The following ROS1 variants were observed in gnomAD, a reference collection of about 807,000 sequenced individuals.
The protein encoded by ROS1 is ROS proto-oncogene 1, receptor tyrosine kinase.
ROS1 carries 263 observed loss-of-function variants against 273.5 expected under a neutral mutation model. The observed-to-expected ratio is 0.96, with a 90% CI of 0.87 to 1.06. The LOEUF (loss-of-function observed/expected upper bound fraction) is 1.06, where lower values mean the gene tolerates loss of function less well. Among genes scored for constraint, ROS1 ranks in the 50% least tolerant of loss-of-function variants. The pLI is 0.00. For missense variants in ROS1, 2,833 were observed against 2,751.1 expected (o/e 1.03, Z -0.67); for synonymous variants, 1,008 against 954.1 (o/e 1.06, Z -1.04).
chr6:117,333,164 G>T (rs575277515), intron 32 of ROS1, among the ~76,000 whole-genome samples: 1 of 151,886 alleles, frequency 6.6e-6, no homozygotes, highest in African/African-American at 2.4e-5. Flanking sequence ...TGATAAAGGG[G>T]ATATCACCAC....
chr6:117,294,032 C>T (rs1290798142), intron 43 of ROS1, among the ~76,000 whole-genome samples: 1 of 151,916 alleles, frequency 6.6e-6, no homozygotes, highest in Non-Finnish European at 1.5e-5. Context: ...TGATACATTA[C>T]ATCAACAGAC....
Position 117,319,929 on chromosome 6 carries a change from T to C in ROS1, c.5861A>G (p.Tyr1954Cys), listed in dbSNP as rs138420858. Residue 1954 changes from tyrosine to cysteine, a missense_variant, in exon 37 of 44, where the codon TAT becomes TGT. Coordinates refer to ENST00000368507, the MANE Select transcript of ROS1 (RefSeq NM_001378902.1). The part of the protein sequence containing the change: ...LLGSGAFGEV[Y>C]EGTAVDILGV... Reference sequence around the variant, plus strand: ...TAAGATGTCCACTGCTGTTCCTTCATACACTTCTCCAAAGGCTCCACTTCC... The same window carrying C: ...TAAGATGTCCACTGCTGTTCCTTCACACACTTCTCCAAAGGCTCCACTTCC... 7 of 1,613,510 alleles carry C rather than the reference T, an allele frequency of 4.3e-6. No homozygotes were observed. In the African/African-American group the frequency reaches 5.3e-5, roughly 12 times the overall value.
chr6:117,327,864 T>C (rs947614840), intron 33 of ROS1, among the ~76,000 whole-genome samples: 4 of 152,118 alleles, frequency 2.6e-5, no homozygotes, highest in Admixed American at 1.3e-4. Flanking sequence ...AGAGAACACC[T>C]TGTGATGCAG....
intron 18 of ROS1, among the ~76,000 whole-genome samples, chr6:117,373,527 G>T (rs543598923): frequency 5.1e-4 from 77 of 152,352 alleles, no homozygotes; most frequent in Middle Eastern, 6.8e-3. Context: ...TGCTGGCCTG[G>T]ATGCTAAGCC....
chr6:117,366,334 G>A, intron 18 of ROS1, 44 bp from the exon 19 acceptor site: 1 of 1,430,558 alleles, frequency 7.0e-7, no homozygotes, highest in East Asian at 2.3e-5. Flanking sequence ...CTGGAGTGGT[G>A]GAAGGGCTGG....
At chr6:117,399,098 G>A (rs1403029438) in intron 7 of ROS1, among the ~76,000 whole-genome samples, 3 of 152,168 alleles carry the variant, frequency 2.0e-5, no homozygotes, top group Non-Finnish European at 4.4e-5. Flanking sequence ...CTAGAAAAGT[G>A]AGAATCAGAA....
In ROS1 at chr6:117,404,977, G is replaced by A. The variant is rs191986784; in HGVS notation, c.317-549C>T. Among the ~76,000 whole-genome samples, 132 of 134,806 alleles carry A rather than the reference G, an allele frequency of 9.8e-4. 1 individual carries two copies. The highest frequency in any genetic ancestry group is 3.1e-3 in the African/African-American group (127 of 40,352). 88.4% of individuals were successfully genotyped at this position (134,806 alleles called of 152,430 possible). ...ATTTCAGGACATCTAAACATTAGAC[G>A]TATTACAATTGGCAGCAATTTCTCA... On this transcript the variant is annotated intron_variant, in intron 5 of 43. Transcript: ENST00000368507.
chr6:117,379,164 G>T lies in ROS1; in HGVS notation c.2482-5C>A. Reference sequence around the variant, plus strand: ...GTCTAAAGTTAGAGCAATTACCTAAGTAGAAAGTAAGGTAAGAAAATAAAC... The same window carrying T: ...GTCTAAAGTTAGAGCAATTACCTAATTAGAAAGTAAGGTAAGAAAATAAAC... On this transcript the variant is annotated splice_region_variant and splice_polypyrimidine_tract_variant and intron_variant, in intron 17 of 43. Transcript: ENST00000368507. 1 of 1,580,370 alleles carries T rather than the reference G, an allele frequency of 6.3e-7. No individual in the cohort carries two copies. The highest frequency in any genetic ancestry group is 8.7e-7 in the Non-Finnish European group (1 of 1,150,240).
At chr6:117,407,561 T>C (rs1406526671) in intron 5 of ROS1, among the ~76,000 whole-genome samples, 2 of 152,148 alleles carry the variant, frequency 1.3e-5, no homozygotes, top group East Asian at 1.9e-4. Flanking sequence ...ACGCACTCTA[T>C]AGGATAACTT....
At position 117,369,454 on chromosome 6, in the gene ROS1, G is replaced by A. The variant is rs536556875; in HGVS notation, c.2583-3164C>T. ...CCGGGCGTGTTGGCGGGCGCCTGTA[G>A]TCCCAGCTACTCAGGAGGCTGAGGC... On this transcript the variant is annotated intron_variant, in intron 18 of 43. Coordinates refer to ENST00000368507, the MANE Select transcript of ROS1 (RefSeq NM_001378902.1). Among the ~76,000 whole-genome samples the A allele has an allele frequency of 7.2e-5, 11 of 152,130 alleles. No homozygotes were observed. In the East Asian group the frequency reaches 1.7e-3, roughly 24 times the overall value.
Position 117,321,215 on chromosome 6 carries a change from A to C in ROS1, c.5759+44T>G, listed in dbSNP as rs201927058. On this transcript the variant is annotated intron_variant, in intron 36 of 43. Transcript: ENST00000368507. ...ATAGGCACTCTCCTTACTGTTGCCC[A>C]CCCTTTGCCTAGGTGCTCCATAATG... The C allele has an allele frequency of 3.9e-5, 63 of 1,598,326 alleles. No homozygotes were observed. The Admixed American group carries it at 9.3e-4, about 24-fold the overall frequency.
intron 31 of ROS1, among the ~76,000 whole-genome samples, chr6:117,340,839 T>C (rs1052896917): frequency 1.3e-5 from 2 of 152,072 alleles, no homozygotes; most frequent in Admixed American, 6.6e-5. Context: ...CAAGTTACTA[T>C]GGACTTTAAA....
chr6:117,293,077 A>C (rs940005121), intron 43 of ROS1, among the ~76,000 whole-genome samples: 12 of 152,110 alleles, frequency 7.9e-5, no homozygotes, highest in African/African-American at 2.9e-4. Context: ...AGGATACCTC[A>C]GCTTCTCTTT....
In ROS1 at chr6:117,288,198, G is replaced by A. The variant is rs897493281; in HGVS notation, c.*294C>T. 2.7e-5 allele frequency: 11 copies of A among 401,696 alleles called. No individual in the cohort carries two copies. Among genetic ancestry groups the A allele is most frequent in the African/African-American group, 1.6e-4 (8 of 49,186 alleles). The allele number at this position is 401,696 out of a possible 1,614,324, so 24.9% of individuals were successfully genotyped here. On this transcript the variant is annotated 3_prime_UTR_variant, in exon 44 of 44. Transcript: ENST00000368507. ...ACTGAAAGGTGGGTAAGAGCCTAAA[G>A]CACCTCAAGGGAGAAGGGAGAGCAG...
chr6:117,413,826 A>T (rs1775120617), intron 4 of ROS1, among the ~76,000 whole-genome samples: 1 of 152,176 alleles, frequency 6.6e-6, no homozygotes, highest in African/African-American at 2.4e-5. Context: ...TACTAAAAAT[A>T]CAAAGTTAGC....
Position 117,416,295 on chromosome 6 carries a change from C to A in ROS1, c.191G>T (p.Trp64Leu). Residue 64 changes from tryptophan to leucine, a missense_variant, in exon 3 of 44, where the codon TGG becomes TTG. Physicochemically the swap from Trp to Leu is moderately conservative, Grantham distance 61. Coordinates refer to ENST00000368507, the MANE Select transcript of ROS1 (RefSeq NM_001378902.1). ...ACAGTTTTTCTGATCTACAGAGTTC[C>A]AAAAGTGACATCCTTGGATACACTG... is the stretch of plus-strand genomic sequence containing the variant. The part of the protein sequence containing the change: ...SEPCIQGCHF[W>L]NSVDQKNCAL... 1.2e-6 allele frequency: 2 copies of A among 1,601,478 alleles called. No homozygotes were observed. The highest frequency in any genetic ancestry group is 1.1e-5 in the South Asian group (1 of 90,790).
intron 12 of ROS1, 59 bp from the exon 13 acceptor site, chr6:117,389,905 C>T (rs1772920055): frequency 1.4e-6 from 2 of 1,449,670 alleles, no homozygotes; most frequent in African/African-American, 2.8e-5. Flanking sequence ...TGAGTAACCT[C>T]CTCAGCTAAT....
At chr6:117,290,682 T>G (rs1379088112) in intron 43 of ROS1, among the ~76,000 whole-genome samples, 2 of 152,190 alleles carry the variant, frequency 1.3e-5, no homozygotes, top group African/African-American at 2.4e-5. Flanking sequence ...TTTACACAAA[T>G]GTTTGGATGA....
rs1774741142 is a variant in ROS1, at chr6:117,409,653, C to T, written c.256-11G>A. 6.2e-7 allele frequency: 1 copy of T among 1,613,134 alleles called. No homozygotes were observed. Among genetic ancestry groups the T allele is most frequent in the Admixed American group, 1.7e-5 (1 of 59,936 alleles). ...CTCACACGACTCCCGCTGTGGAAGA[C>T]AGGGAGCATGACAGTCAGGGCAGCC... On this transcript the variant is annotated splice_polypyrimidine_tract_variant and intron_variant, in intron 4 of 43. Coordinates refer to ENST00000368507, the MANE Select transcript of ROS1 (RefSeq NM_001378902.1).
Sources: gnomAD v4.1 joint callset for allele counts (sites outside exome capture counted in the v4.1 genomes callset) on GRCh38, gnomAD v4.1.1 for gene constraint, MANE v1.5 for transcripts, NCBI Gene and HGNC (gene_info 2026-07-23, HGNC 2026-07-21) for gene names.